Variants in PCDHGB6 observed in about 807,000 individuals in gnomAD.
PCDHGB6 encodes protocadherin gamma-B6.
A neutral mutation model predicts 59.1 loss-of-function variants in PCDHGB6; 51 were observed. That is an observed-to-expected ratio of 0.86 (90% CI 0.69 to 1.09). The LOEUF (loss-of-function observed/expected upper bound fraction) is 1.09. Among genes scored for constraint, PCDHGB6 ranks in the 50% least tolerant of loss-of-function variants. The probability of loss-of-function intolerance (pLI) is 0.00; values close to 1 mark genes in which losing one functional copy is unlikely to be tolerated. For missense variants in PCDHGB6, 1,148 were observed against 1,205.1 expected (o/e 0.95, Z 0.70); for synonymous variants, 466 against 495.1 (o/e 0.94, Z 0.78).
At chr5:141,421,271 T>G in intron 1 of PCDHGB6, 1 of 1,612,330 alleles carries the variant, frequency 6.2e-7, no homozygotes, top group Non-Finnish European at 8.5e-7. Context: ...CGGCTGCTGC[T>G]GCTGCTGTGC....
rs889945954 is a variant in PCDHGB6, at chr5:141,489,368, C to A, written c.2419-5439C>A. The A allele has an allele frequency of 2.5e-6, 4 of 1,613,384 alleles. No homozygotes were observed. Among genetic ancestry groups the A allele is most frequent in the Non-Finnish European group, 3.4e-6 (4 of 1,179,478 alleles). On this transcript the variant is annotated intron_variant, in intron 1 of 3. Coordinates refer to ENST00000520790, the MANE Select transcript of PCDHGB6 (RefSeq NM_018926.3). The surrounding 1 kb of genome is among the most constrained non-coding windows in gnomAD (Gnocchi z 4.5). ...GTGGTGGAGGAGTCTGAGCCGGGGA[C>A]GCTGGTGGGGAATGTTGCTCAGGAT...
Position 141,415,491 on chromosome 5 carries a change from G to C in PCDHGB6, c.2418+4871G>C, listed in dbSNP as rs1386703838. 3.7e-6 allele frequency: 6 copies of C among 1,614,090 alleles called. No homozygotes were observed. The Admixed American group carries it at 8.3e-5, about 22-fold the overall frequency. ...CCGCGGACTCGCGAAAGAGTCACCTGATCTTCCCCCAGCCCAATTATGCGG... is the reference window on the plus strand; with the variant it reads ...CCGCGGACTCGCGAAAGAGTCACCTCATCTTCCCCCAGCCCAATTATGCGG... On this transcript the variant is annotated intron_variant, in intron 1 of 3. Coordinates refer to ENST00000520790, the MANE Select transcript of PCDHGB6 (RefSeq NM_018926.3).
chr5:141,491,898 G>A lies in PCDHGB6; in HGVS notation c.2419-2909G>A, dbSNP rs772673872. 1.6e-5 allele frequency: 23 copies of A among 1,428,816 alleles called. No homozygotes were observed. The highest frequency in any genetic ancestry group is 3.0e-5 in the South Asian group (2 of 66,966). The allele number at this position is 1,428,816 out of a possible 1,614,324, so 88.5% of individuals were successfully genotyped here. A position where few individuals can be genotyped will look rare whatever the true frequency, so the allele number is the denominator to read the frequency against. ...ATTAAGGGATGGGGCTCCGAGCACC[G>A]GGGGTGGTGGCGACTGTGGGCGAGG... On this transcript the variant is annotated intron_variant, in intron 1 of 3. Coordinates refer to ENST00000520790, the MANE Select transcript of PCDHGB6 (RefSeq NM_018926.3). This position sits in a 1 kb window ranked among gnomAD's most constrained non-coding sequence, Gnocchi z 6.9.
chr5:141,421,374 C>T, intron 1 of PCDHGB6: 1 of 1,614,062 alleles, frequency 6.2e-7, no homozygotes, highest in Non-Finnish European at 8.5e-7. Flanking sequence ...TGGGCAATAT[C>T]TCCAAGGACC....
At chr5:141,410,752 GT>G (rs2095421794) in intron 1 of PCDHGB6, 132 bp downstream of exon 1, 1 of 1,130,824 alleles carries the variant, frequency 8.8e-7, no homozygotes, top group Non-Finnish European at 1.2e-6. Context: ...TTTTCTCAAT[GT>G]TTTTTCAATT....
At chr5:141,414,042 T>A (rs758538745) in intron 1 of PCDHGB6, 1 of 1,611,324 alleles carries the variant, frequency 6.2e-7, no homozygotes, top group South Asian at 1.1e-5. Flanking sequence ...GAAAATTACC[T>A]GACACGCAAT....
chr5:141,422,568 C>T (rs372115955), intron 1 of PCDHGB6: 91 of 1,613,904 alleles, frequency 5.6e-5, no homozygotes, highest in Non-Finnish European at 7.5e-5. Flanking sequence ...CAGATGACAA[C>T]GATAACCCTC....
In PCDHGB6 at chr5:141,511,555, C is replaced by T; in HGVS notation, c.*382C>T. 1 of 305,302 alleles carries T rather than the reference C, an allele frequency of 3.3e-6. No individual in the cohort carries two copies. Among genetic ancestry groups the T allele is most frequent in the South Asian group, 3.6e-5 (1 of 28,078 alleles). 18.9% of individuals were successfully genotyped at this position (305,302 alleles called of 1,614,324 possible). ...CCTCCCCACCCCACTCCAACAGTTC[C>T]TCTTTCCCGAGTAAGGTGGTTGGGG... On this transcript the variant is annotated 3_prime_UTR_variant, in exon 4 of 4. Coordinates refer to ENST00000520790, the MANE Select transcript of PCDHGB6 (RefSeq NM_018926.3).
rs762312563 is a variant in PCDHGB6 at position 141,493,182 on chromosome 5, A to G, written c.2419-1625A>G. Among the ~76,000 whole-genome samples, 1 of 152,232 alleles carries G rather than the reference A, an allele frequency of 6.6e-6. No homozygotes were observed. The highest frequency in any genetic ancestry group is 2.4e-5 in the African/African-American group (1 of 41,460). The stretch of plus-strand genomic sequence containing the variant: ...TAGCTGATTGAGAGAAACTTACTAT[A>G]TAACTCCTTTGAGAACCTCATCTCA... On this transcript the variant is annotated intron_variant, in intron 1 of 3. Coordinates refer to ENST00000520790, the MANE Select transcript of PCDHGB6 (RefSeq NM_018926.3). The surrounding 1 kb of genome is among the most constrained non-coding windows in gnomAD (Gnocchi z 4.3).
chr5:141,448,232 T>A (rs917554207), intron 1 of PCDHGB6, among the ~76,000 whole-genome samples: 1 of 152,094 alleles, frequency 6.6e-6, no homozygotes, highest in Admixed American at 6.6e-5. Context: ...ATGTGTGGGG[T>A]TTTCTTTGCA....
intron 1 of PCDHGB6, among the ~76,000 whole-genome samples, chr5:141,425,219 G>T (rs779272038): frequency 2.0e-5 from 3 of 152,148 alleles, no homozygotes; most frequent in Non-Finnish European, 2.9e-5. Context: ...ATTGTACTTT[G>T]ACTGGAATTA....
intron 1 of PCDHGB6, chr5:141,419,406 C>A (rs367731612): frequency 1.9e-6 from 3 of 1,613,404 alleles, no homozygotes; most frequent in Non-Finnish European, 2.5e-6. Context: ...GTGGTGTTCG[C>A]GCAGCGCGCC....
rs775712620 is a variant in PCDHGB6, at chr5:141,491,341, G to T, written c.2419-3466G>T. 1 of 1,613,982 alleles carries T rather than the reference G, an allele frequency of 6.2e-7. No homozygotes were observed. The highest frequency in any genetic ancestry group is 8.5e-7 in the Non-Finnish European group (1 of 1,180,016). ...TTACCTCATTGTGGCTCTAGCGACC[G>T]TCAGTCTCTTATCCCTAGTCACCTT... On this transcript the variant is annotated intron_variant, in intron 1 of 3. Coordinates refer to ENST00000520790, the MANE Select transcript of PCDHGB6 (RefSeq NM_018926.3). The surrounding 1 kb of genome is among the most constrained non-coding windows in gnomAD (Gnocchi z 6.9).
chr5:141,493,440 G>A lies in PCDHGB6; in HGVS notation c.2419-1367G>A, dbSNP rs2099748297. The stretch of plus-strand genomic sequence containing the variant: ...TTTTGCTTCTGCTGGGATGGGGCAA[G>A]GGTGGGGTTCCTTCCCTTTTAGGAC... On this transcript the variant is annotated intron_variant, in intron 1 of 3. Coordinates refer to ENST00000520790, the MANE Select transcript of PCDHGB6 (RefSeq NM_018926.3). The surrounding 1 kb of genome is among the most constrained non-coding windows in gnomAD (Gnocchi z 4.3). Among the ~76,000 whole-genome samples, 1 of 152,208 alleles carries A rather than the reference G, an allele frequency of 6.6e-6. No homozygotes were observed. Among genetic ancestry groups the A allele is most frequent in the African/African-American group, 2.4e-5 (1 of 41,450 alleles).
chr5:141,462,070 G>C lies in PCDHGB6; in HGVS notation c.2419-32737G>C, dbSNP rs572217894. Among the ~76,000 whole-genome samples, 18 of 152,196 alleles carry C rather than the reference G, an allele frequency of 1.2e-4. No individual in the cohort carries two copies. In the South Asian group the frequency reaches 3.7e-3, roughly 32 times the overall value. On this transcript the variant is annotated intron_variant, in intron 1 of 3. Coordinates refer to ENST00000520790, the MANE Select transcript of PCDHGB6 (RefSeq NM_018926.3). ...ACTCCCGACCTCAGGTGATCTGCCC[G>C]CCTTGGCCTCCCAAAATGCTGGGAT...
chr5:141,510,802 C>T (rs1358684730), intron 3 of PCDHGB6, 145 bp from the exon 4 acceptor site: 1 of 1,497,192 alleles, frequency 6.7e-7, no homozygotes, highest in African/African-American at 1.4e-5. Context: ...AGAGAGACTA[C>T]CTTGGTGACC....
intron 1 of PCDHGB6, among the ~76,000 whole-genome samples, chr5:141,472,969 A>G: frequency 6.8e-6 from 1 of 147,990 alleles, no homozygotes; most frequent in Non-Finnish European, 1.5e-5. Flanking sequence ...CTGGGGAACA[A>G]GAGTGAAACT....
chr5:141,412,973 C>G, intron 1 of PCDHGB6: 1 of 528,318 alleles, frequency 1.9e-6, no homozygotes, highest in Non-Finnish European at 3.3e-6. Flanking sequence ...GGAGAGAAAA[C>G]GCAGCCAGAG....
chr5:141,413,953 C>A, intron 1 of PCDHGB6: 1 of 1,613,310 alleles, frequency 6.2e-7, no homozygotes, highest in Non-Finnish European at 8.5e-7. Context: ...TGAGAATTTG[C>A]CTGTGGGCAC....
Sources: allele counts gnomAD v4.1 joint callset (sites outside exome capture counted in the v4.1 genomes callset), GRCh38; gene constraint gnomAD v4.1.1; non-coding constraint Gnocchi (gnomAD v3.1); transcripts MANE v1.5; gene names NCBI Gene and HGNC (gene_info 2026-07-23, HGNC 2026-07-21).